FBN3: variants seen among roughly 807,000 people sequenced by gnomAD.
FBN3 encodes fibrillin-3.
In FBN3, 234 loss-of-function variants were observed where a neutral mutation model predicts 330.1. That is an observed-to-expected ratio of 0.71 (90% CI 0.64 to 0.79). The LOEUF (loss-of-function observed/expected upper bound fraction) is 0.79. Among genes scored for constraint, FBN3 ranks in the 30% least tolerant of loss-of-function variants. The probability of loss-of-function intolerance (pLI) is 0.00; values close to 1 mark genes in which losing one functional copy is unlikely to be tolerated. For missense variants in FBN3, 3,606 were observed against 3,886.9 expected (o/e 0.93, Z 1.92); for synonymous variants, 1,458 against 1,517.3 (o/e 0.96, Z 0.91).
chr19:8,106,690 T>C (rs1379227689), intron 37 of FBN3, among the ~76,000 whole-genome samples: 3 of 151,798 alleles, frequency 2.0e-5, no homozygotes, highest in African/African-American at 7.3e-5. Flanking sequence ...GGTGGATGGA[T>C]AGGTGAGTAG....
At chr19:8,128,028 A>T (rs917308368) in intron 18 of FBN3, among the ~76,000 whole-genome samples, 1 of 152,096 alleles carries the variant, frequency 6.6e-6, no homozygotes. Context: ...AAAATAAAGG[A>T]TATTACAAAT....
intron 13 of FBN3, 25 bp downstream of exon 13, chr19:8,135,936 G>GGGGGGGGGGGGGGCGCCCCCCCCCCCCC: frequency 7.5e-6 from 5 of 668,772 alleles, no homozygotes; most frequent in Non-Finnish European, 7.2e-6. Context: ...GGAAGCCCCT[G>GGGGGGGGGGGGGGCGCCCCCCCCCCCCC]CCCACCCGCC....
intron 59 of FBN3, among the ~76,000 whole-genome samples, chr19:8,080,060 C>A (rs1480051685): frequency 2.0e-5 from 3 of 152,266 alleles, no homozygotes; most frequent in Admixed American, 6.5e-5. Context: ...TGTCCCAAGA[C>A]TCTTCTCTGC....
At chr19:8,135,818 T>G (rs2083264294) in intron 13 of FBN3, 143 bp downstream of exon 13, 2 of 819,902 alleles carry the variant, frequency 2.4e-6, no homozygotes, top group African/African-American at 3.4e-5. Flanking sequence ...GAGTCTCAGG[T>G]GGGCTGCTGG....
chr19:8,079,425 A>ACAAG (rs1311381765), intron 59 of FBN3, among the ~76,000 whole-genome samples: 2 of 151,246 alleles, frequency 1.3e-5, no homozygotes, highest in Non-Finnish European at 2.9e-5. Context: ...TCTAAAACAA[A>ACAAG]CAAACAAACA....
In FBN3 at chr19:8,145,954, C is replaced by T. The variant is rs2083533648; in HGVS notation, c.350-16G>A. On this transcript the variant is annotated splice_polypyrimidine_tract_variant and intron_variant, in intron 4 of 63. Transcript: ENST00000600128. ...CACCCTGACCCTGGGGACAGGAAGG[C>T]AGGACGCATAGTAATGTGGAGATGG... 3 of 1,548,268 alleles carry T rather than the reference C, an allele frequency of 1.9e-6. No individual in the cohort carries two copies. The highest frequency in any genetic ancestry group is 2.6e-6 in the Non-Finnish European group (3 of 1,144,466).
chr19:8,136,378 C>A lies in FBN3; in HGVS notation c.1345+10G>T. On this transcript the variant is annotated intron_variant, in intron 11 of 63. Coordinates refer to ENST00000600128, the MANE Select transcript of FBN3 (RefSeq NM_032447.5). ...AGAACCGCCCCCCCTTCCACCTGGCCGCGGCTCACCAATGCACTCGCCGCG... is the reference window on the plus strand; with the variant it reads ...AGAACCGCCCCCCCTTCCACCTGGCAGCGGCTCACCAATGCACTCGCCGCG... 1.2e-6 allele frequency: 2 copies of A among 1,611,514 alleles called. No homozygotes were observed. The highest frequency in any genetic ancestry group is 2.2e-5 in the South Asian group (2 of 90,992).
rs528149973 is a variant in FBN3, at chr19:8,075,266, C to T, written c.7582+17G>A. ...AACACCCCCAAACACTAGACCCCAG[C>T]CAAAGCTGGGCTGTACCTTCACAGC... On this transcript the variant is annotated intron_variant, in intron 60 of 63. Coordinates refer to ENST00000600128, the MANE Select transcript of FBN3 (RefSeq NM_032447.5). The T allele has an allele frequency of 1.2e-6, 2 of 1,603,464 alleles. No individual in the cohort carries two copies. The highest frequency in any genetic ancestry group is 1.1e-5 in the South Asian group (1 of 90,266).
At chr19:8,125,793 A>AAG in intron 22 of FBN3, 99 bp downstream of exon 22, 34 of 1,094,470 alleles carry the variant, frequency 3.1e-5, no homozygotes, top group South Asian at 7.2e-5. Context: ...TCCATCTCAA[A>AAG]AAAAAAAAAA....
intron 41 of FBN3, among the ~76,000 whole-genome samples, chr19:8,099,276 AT>A (rs386388494): frequency 5.8e-3 from 575 of 98,858 alleles, no homozygotes; most frequent in Non-Finnish European, 8.1e-3. Context: ...TCATGGTTTG[AT>A]TTTTTTTTTT....
At chr19:8,108,631 A>G (rs1224164493) in intron 36 of FBN3, among the ~76,000 whole-genome samples, 4 of 152,092 alleles carry the variant, frequency 2.6e-5, no homozygotes, top group African/African-American at 4.8e-5. Flanking sequence ...CATACACCTG[A>G]ATAGGTGGAC....
chr19:8,144,201 G>A (rs1334883201), intron 6 of FBN3, among the ~76,000 whole-genome samples: 1 of 151,958 alleles, frequency 6.6e-6, no homozygotes, highest in Non-Finnish European at 1.5e-5. Context: ...AGGAGTTCGA[G>A]GCCAGCCTGG....
Position 8,111,628 on chromosome 19 carries a change from T to G in FBN3, c.4084+20A>C. On this transcript the variant is annotated intron_variant, in intron 32 of 63. Coordinates refer to ENST00000600128, the MANE Select transcript of FBN3 (RefSeq NM_032447.5). ...GGCTGTCCCTCTAGGGCCCCTGCCC[T>G]CCCACCCCTCTAATCTCACCTTCGC... is the stretch of plus-strand genomic sequence containing the variant. 1.0e-3 allele frequency: 910 copies of G among 876,872 alleles called. No homozygotes were observed. The highest frequency in any genetic ancestry group is 1.4e-3 in the Non-Finnish European group (832 of 589,656). 54.3% of individuals were successfully genotyped at this position (876,872 alleles called of 1,614,324 possible).
chr19:8,104,120 G>GA (rs908326891), intron 38 of FBN3, among the ~76,000 whole-genome samples: 3 of 146,928 alleles, frequency 2.0e-5, no homozygotes, highest in African/African-American at 7.6e-5. Flanking sequence ...TGAGATCCTG[G>GA]CTCTAAAAAA....
intron 47 of FBN3, among the ~76,000 whole-genome samples, chr19:8,091,826 T>C (rs553082883): frequency 6.4e-4 from 98 of 152,276 alleles, no homozygotes; most frequent in African/African-American, 2.2e-3. Flanking sequence ...TAGTTCATGA[T>C]TGGAGACTGA....
At chr19:8,147,531 GC>G in intron 1 of FBN3, 34 bp from the exon 2 acceptor site, 1 of 1,404,848 alleles carries the variant, frequency 7.1e-7, no homozygotes, top group East Asian at 2.6e-5. Flanking sequence ...CCCTAGATGA[GC>G]CCCCCACCCT....
At chr19:8,146,272 G>A in intron 3 of FBN3, 47 bp from the exon 4 acceptor site, 1 of 1,488,818 alleles carries the variant, frequency 6.7e-7, no homozygotes, top group Non-Finnish European at 9.2e-7. Context: ...CCGAGCCTGG[G>A]CCGTCCCTGC....
chr19:8,101,002 G>C (rs766748634), intron 40 of FBN3, 30 bp from the exon 41 acceptor site: 11 of 1,595,084 alleles, frequency 6.9e-6, no homozygotes, highest in South Asian at 4.4e-5. Flanking sequence ...GCTGAGTCTG[G>C]GGCTGCAGGC....
In FBN3 at chr19:8,083,149, C is replaced by T; in HGVS notation, c.7213+98G>A. The T allele has an allele frequency of 5.5e-6, 8 of 1,441,668 alleles. No homozygotes were observed. The South Asian group carries it at 5.9e-5, about 11-fold the overall frequency. 89.3% of individuals were successfully genotyped at this position (1,441,668 alleles called of 1,614,324 possible). A position where few individuals can be genotyped will look rare whatever the true frequency, so the allele number is the denominator to read the frequency against. On this transcript the variant is annotated intron_variant, in intron 57 of 63. Transcript: ENST00000600128. The stretch of plus-strand genomic sequence containing the variant: ...CACCACTTTGTAAATGAAAGCCTAA[C>T]ATTGCAAAGTGGAAAGTCTCAGGGA...
Sources: gnomAD v4.1 joint callset for allele counts (sites outside exome capture counted in the v4.1 genomes callset) on GRCh38, gnomAD v4.1.1 for gene constraint, MANE v1.5 for transcripts, NCBI Gene and HGNC (gene_info 2026-07-23, HGNC 2026-07-21) for gene names.